SUPV3L1: variants seen among roughly 807,000 people sequenced by gnomAD.
SUPV3L1 encodes ATP-dependent RNA helicase SUPV3L1, mitochondrial.
SUPV3L1 carries 35 observed loss-of-function variants against 70.0 expected under a neutral mutation model. That is an observed-to-expected ratio of 0.50 (90% CI 0.38 to 0.66). The LOEUF is 0.66. Among genes scored for constraint, SUPV3L1 ranks in the 30% least tolerant of loss-of-function variants. The probability of loss-of-function intolerance (pLI) is 0.00; values close to 1 mark genes in which losing one functional copy is unlikely to be tolerated. For missense variants in SUPV3L1, 777 were observed against 961.5 expected, an observed-to-expected ratio of 0.81 and a Z score of 2.54; for synonymous variants, 364 against 341.9, an observed-to-expected ratio of 1.06 and a Z score of -0.71.
At chr10:69,184,902 A>G (rs1203287495) in intron 1 of SUPV3L1, among the ~76,000 whole-genome samples, 2 of 152,212 alleles carry the variant, frequency 1.3e-5, no homozygotes, top group Admixed American at 1.3e-4. Context: ...CCTCCTAGAA[A>G]TACATAGTGT....
In SUPV3L1 at chr10:69,202,756, G is replaced by C. The variant is rs1589389487; in HGVS notation, c.1600-111G>C. ...GGAGTGATTAAAGCAAGCCTTTATG[G>C]AAGTTTGTTCTGGATTAAAGAGATT... On this transcript the variant is annotated intron_variant, in intron 12 of 14. Transcript: ENST00000359655. 3.3e-6 allele frequency: 4 copies of C among 1,203,698 alleles called. No individual in the cohort carries two copies. The East Asian group carries it at 9.4e-5, about 28-fold the overall frequency. 74.6% of individuals were successfully genotyped at this position (1,203,698 alleles called of 1,614,324 possible).
chr10:69,187,633 A>G lies in SUPV3L1; in HGVS notation c.458-9A>G. ...ATTGCACATGTTAATACAGTGTTTT[A>G]TTTTCCAGCTCATGCGGATGATTTA... is the stretch of plus-strand genomic sequence containing the variant. On this transcript the variant is annotated splice_polypyrimidine_tract_variant and intron_variant, in intron 3 of 14. Transcript: ENST00000359655. The G allele has an allele frequency of 6.3e-7, 1 of 1,578,486 alleles. No homozygotes were observed. Among genetic ancestry groups the G allele is most frequent in the Non-Finnish European group, 8.6e-7 (1 of 1,156,290 alleles).
In SUPV3L1 at chr10:69,195,220, A is replaced by G; in HGVS notation, c.886A>G (p.Ile296Val). 1.2e-6 allele frequency: 2 copies of G among 1,613,448 alleles called. No individual in the cohort carries two copies. Among genetic ancestry groups the G allele is most frequent in the Non-Finnish European group, 1.7e-6 (2 of 1,179,758 alleles). ...GGCTGTAATTGATGAAATTCAAATG[A>G]TTAGAGATCCAGCCAGAGGATGGGC... is the stretch of plus-strand genomic sequence containing the variant. ...EVAVIDEIQM[I>V]RDPARGWAWT... Residue 296 changes from isoleucine to valine, a missense_variant, in exon 7 of 15, where the codon ATT becomes GTT. This residue lies in a region of SUPV3L1 where 619 missense variants were observed against 823.3 expected (regional missense o/e 0.75). Transcript: ENST00000359655.
intron 12 of SUPV3L1, 114 bp downstream of exon 12, chr10:69,202,633 A>G (rs1842715111): frequency 5.9e-6 from 7 of 1,193,356 alleles, no homozygotes; most frequent in Non-Finnish European, 8.3e-6. Flanking sequence ...TGCTATTTAT[A>G]AAATTTATTT....
chr10:69,183,085 G>T (rs538222196), intron 1 of SUPV3L1, among the ~76,000 whole-genome samples: 1 of 152,252 alleles, frequency 6.6e-6, no homozygotes, highest in African/African-American at 2.4e-5. Context: ...AGCATGTCAA[G>T]ACAACTTACC....
At chr10:69,198,670 A>G (rs1842606918) in intron 9 of SUPV3L1, 118 bp downstream of exon 9, 1 of 928,244 alleles carries the variant, frequency 1.1e-6, no homozygotes, top group East Asian at 2.7e-5. Context: ...TGTATTGGTA[A>G]TTTGTTAAAC....
intron 5 of SUPV3L1, among the ~76,000 whole-genome samples, chr10:69,190,314 T>C (rs1354910558): frequency 1.3e-5 from 2 of 152,230 alleles, no homozygotes; most frequent in African/African-American, 4.8e-5. Context: ...CTGAAAGGAC[T>C]GAAGCCCTGT....
intron 13 of SUPV3L1, among the ~76,000 whole-genome samples, chr10:69,205,450 C>G (rs942320181): frequency 6.6e-6 from 1 of 152,242 alleles, no homozygotes; most frequent in African/African-American, 2.4e-5. Context: ...TCATAGCTCA[C>G]TGTAACCCCA....
At chr10:69,195,370 T>C (rs1386698367) in intron 7 of SUPV3L1, 105 bp downstream of exon 7, 2 of 670,242 alleles carry the variant, frequency 3.0e-6, no homozygotes, top group Non-Finnish European at 4.5e-6. Flanking sequence ...CTAGAACCTT[T>C]CTTTTTGACA....
rs368165610 is a variant in SUPV3L1 at position 69,180,288 on chromosome 10, C to T, written c.-4C>T. ...CGCCAGACAGTGTAGAACCTGCGGC[C>T]TCGATGTCCTTCTCCCGTGCCCTAT... On this transcript the variant is annotated 5_prime_UTR_variant, in exon 1 of 15. Transcript: ENST00000359655. 23 of 1,612,740 alleles carry T rather than the reference C, an allele frequency of 1.4e-5. No homozygotes were observed. The highest frequency in any genetic ancestry group is 1.8e-5 in the Non-Finnish European group (21 of 1,179,614).
chr10:69,191,632 T>C (rs1434171483), intron 5 of SUPV3L1, 23 bp from the exon 6 acceptor site: 1 of 1,593,746 alleles, frequency 6.3e-7, no homozygotes, highest in East Asian at 2.2e-5. Flanking sequence ...TCAATAATTC[T>C]AGTTTTTTTT....
At chr10:69,203,278 T>C (rs1842732428) in intron 13 of SUPV3L1, among the ~76,000 whole-genome samples, 1 of 152,178 alleles carries the variant, frequency 6.6e-6, no homozygotes, top group South Asian at 2.1e-4. Context: ...TAGCCTCTTT[T>C]AACTCATTTG....
chr10:69,195,074 C>G (rs1842505660), intron 6 of SUPV3L1, 114 bp from the exon 7 acceptor site: 2 of 702,704 alleles, frequency 2.8e-6, no homozygotes. Flanking sequence ...AAAAGAGGAA[C>G]CCAGTAAGTG....
intron 8 of SUPV3L1, among the ~76,000 whole-genome samples, chr10:69,197,429 A>T (rs1181155837): frequency 6.6e-6 from 1 of 152,192 alleles, no homozygotes; most frequent in African/African-American, 2.4e-5. Flanking sequence ...TATGTCAGAT[A>T]TTGGGGCCTT....
At chr10:69,186,340 A>AT in intron 2 of SUPV3L1, 103 bp from the exon 3 acceptor site, 1 of 669,582 alleles carries the variant, frequency 1.5e-6, no homozygotes, top group Non-Finnish European at 2.4e-6. Context: ...AAAAAAAAAA[A>AT]AAAAGAAAAA....
At chr10:69,205,527 A>G (rs1029227124) in intron 13 of SUPV3L1, among the ~76,000 whole-genome samples, 3 of 152,106 alleles carry the variant, frequency 2.0e-5, no homozygotes, top group Non-Finnish European at 2.9e-5. Flanking sequence ...GGTGTGCGCC[A>G]TGATGCGTGG....
chr10:69,204,975 T>A (rs954743778), intron 13 of SUPV3L1, among the ~76,000 whole-genome samples: 1 of 152,034 alleles, frequency 6.6e-6, no homozygotes, highest in Non-Finnish European at 1.5e-5. Context: ...TTCGCCATGT[T>A]CCCCAGGCTG....
At chr10:69,201,386 A>C (rs914556911) in intron 11 of SUPV3L1, among the ~76,000 whole-genome samples, 1 of 152,162 alleles carries the variant, frequency 6.6e-6, no homozygotes, top group Non-Finnish European at 1.5e-5. Flanking sequence ...CTTCCAGTTT[A>C]AAAATGTTCT....
chr10:69,186,396 T>C, intron 2 of SUPV3L1, 47 bp from the exon 3 acceptor site: 1 of 1,449,378 alleles, frequency 6.9e-7, no homozygotes, highest in African/African-American at 1.4e-5. Context: ...GTGTGCTTTT[T>C]AAAATGAGAA....
Sources: allele counts gnomAD v4.1 joint callset (sites outside exome capture counted in the v4.1 genomes callset), GRCh38; gene constraint gnomAD v4.1.1; regional missense constraint gnomAD v4.1.1; transcripts MANE v1.5; gene names NCBI Gene and HGNC (gene_info 2026-07-23, HGNC 2026-07-21).